PSD2: variants seen among roughly 807,000 people sequenced by gnomAD.
PSD2 encodes the protein pleckstrin and Sec7 domain containing 2.
Under a neutral mutation model 69.8 loss-of-function variants are expected in PSD2, and 38 were observed. The observed-to-expected ratio is 0.54, with a 90% CI of 0.42 to 0.71. The LOEUF (loss-of-function observed/expected upper bound fraction) is 0.71. PSD2 is among the 30% of genes least tolerant of loss of function. The pLI is 0.00. For missense variants in PSD2, 943 were observed against 1,014.5 expected, an observed-to-expected ratio of 0.93 and a Z score of 0.96; for synonymous variants, 412 against 423.0, an observed-to-expected ratio of 0.97 and a Z score of 0.32.
chr5:139,771,351 G>A, the PSD2 span, among the ~76,000 whole-genome samples: 1 of 152,200 alleles, frequency 6.6e-6, no homozygotes, highest in Admixed American at 6.5e-5. Context: ...CAGGAGTGCA[G>A]GCAGGAAGCA....
rs762298852 is a variant in PSD2 at position 139,813,557 on chromosome 5, G to A, written c.620G>A (p.Gly207Glu). The A allele has an allele frequency of 6.2e-7, 1 of 1,611,218 alleles. No homozygotes were observed. Among genetic ancestry groups the A allele is most frequent in the Non-Finnish European group, 8.5e-7 (1 of 1,177,672 alleles). The change falls in exon 3 of 15, where the codon GGG becomes GAG. Residue 207 changes from glycine to glutamate, a missense_variant. Gly to Glu is a moderately conservative substitution (Grantham distance 98, BLOSUM62 -2). This residue lies in a region of PSD2 where 466 missense variants were observed against 445.0 expected (regional missense o/e 1.05). Transcript: ENST00000274710. The part of the protein sequence containing the change: ...GLGIGDMAFE[G>E]DMGAAGGDGE... ...GGCATTGGGGACATGGCGTTTGAGGGGGACATGGGGGCAGCTGGTGGTGAT... is the reference window on the plus strand; with the variant it reads ...GGCATTGGGGACATGGCGTTTGAGGAGGACATGGGGGCAGCTGGTGGTGAT...
chr5:139,805,763 C>G (rs141750444), intron 1 of PSD2, among the ~76,000 whole-genome samples: 1 of 151,950 alleles, frequency 6.6e-6, no homozygotes, highest in Admixed American at 6.6e-5. Context: ...ACTCAGGGAG[C>G]GGAAAGAAGG....
At chr5:139,808,038 T>C (rs1759855843) in intron 1 of PSD2, among the ~76,000 whole-genome samples, 1 of 152,240 alleles carries the variant, frequency 6.6e-6, no homozygotes, top group South Asian at 2.1e-4. Context: ...CAGCTCATTC[T>C]GCTGTAGCCT....
At chr5:139,750,014 C>T in the PSD2 span, among the ~76,000 whole-genome samples, 2 of 144,070 alleles carry the variant, frequency 1.4e-5, no homozygotes, top group Non-Finnish European at 3.0e-5. Context: ...GGCAACAGAT[C>T]GAGACCGTCT....
Position 139,814,584 on chromosome 5 carries a change from G to A in PSD2, c.1016+220G>A, listed in dbSNP as rs956045569. On this transcript the variant is annotated intron_variant, in intron 4 of 14. Coordinates refer to ENST00000274710, the MANE Select transcript of PSD2 (RefSeq NM_032289.4). This position sits in a 1 kb window ranked among gnomAD's most constrained non-coding sequence, Gnocchi z 4.4. The stretch of plus-strand genomic sequence containing the variant: ...GGGCGAAGCTGATGCTCTCGGGGAG[G>A]GGTGGTGGCGGGCAGCCCCTCAGGG... Among the ~76,000 whole-genome samples, 1 of 152,098 alleles carries A rather than the reference G, an allele frequency of 6.6e-6. No individual in the cohort carries two copies.
At chr5:139,745,628 C>T in the PSD2 span, among the ~76,000 whole-genome samples, 2 of 152,252 alleles carry the variant, frequency 1.3e-5, no homozygotes, top group Non-Finnish European at 2.9e-5. Flanking sequence ...AAGAGTGACT[C>T]AGTGTCTGCT....
chr5:139,807,181 C>T (rs1759829880), intron 1 of PSD2, among the ~76,000 whole-genome samples: 1 of 152,184 alleles, frequency 6.6e-6, no homozygotes, highest in African/African-American at 2.4e-5. Context: ...AAATGGTGGG[C>T]TCAGCCCCTA....
chr5:139,766,897 CTCTT>C, the PSD2 span, among the ~76,000 whole-genome samples: 5 of 90,910 alleles, frequency 5.5e-5, no homozygotes, highest in Non-Finnish European at 9.5e-5. Flanking sequence ...CCTTCTTTCC[CTCTT>C]TCCCTCCCTT....
chr5:139,779,779 T>C, the PSD2 span, among the ~76,000 whole-genome samples: 1 of 152,208 alleles, frequency 6.6e-6, no homozygotes, highest in Non-Finnish European at 1.5e-5. Flanking sequence ...AATCATGCAG[T>C]ATCTACTCTT....
chr5:139,812,770 G>A (rs1025380533), intron 2 of PSD2, among the ~76,000 whole-genome samples: 75 of 152,344 alleles, frequency 4.9e-4, no homozygotes, highest in Non-Finnish European at 8.2e-4. Flanking sequence ...ATGACCCAGT[G>A]TGACACTGGT....
chr5:139,767,435 C>T, the PSD2 span, among the ~76,000 whole-genome samples: 1 of 152,308 alleles, frequency 6.6e-6, no homozygotes, highest in African/African-American at 2.4e-5. Context: ...ATGCCTCAGT[C>T]TCCCAAGTAG....
At chr5:139,805,304 C>T (rs1759777987) in intron 1 of PSD2, among the ~76,000 whole-genome samples, 1 of 152,208 alleles carries the variant, frequency 6.6e-6, no homozygotes, top group South Asian at 2.1e-4. Context: ...TCTAGCATTC[C>T]ATCAGAATCT....
At chr5:139,834,466 CTTT>C (rs111907193) in intron 8 of PSD2, among the ~76,000 whole-genome samples, 4 of 140,140 alleles carry the variant, frequency 2.9e-5, no homozygotes, top group Admixed American at 7.2e-5. Context: ...TATTTTTATG[CTTT>C]TTTTTTTTTT....
intron 1 of PSD2, among the ~76,000 whole-genome samples, chr5:139,801,160 G>C (rs1056099673): frequency 3.3e-5 from 5 of 150,786 alleles, no homozygotes; most frequent in African/African-American, 4.9e-5. Flanking sequence ...AGCTGAGATT[G>C]CGCCACTGCA....
intron 3 of PSD2, 76 bp downstream of exon 3, chr5:139,813,834 GGGTGACTCA>G (rs1760043094): frequency 7.7e-7 from 1 of 1,295,038 alleles, no homozygotes; most frequent in South Asian, 1.5e-5. Context: ...AAGCAGGTTA[GGGTGACTCA>G]GTGTCCAGAG....
upstream of PSD2, among the ~76,000 whole-genome samples, chr5:139,793,224 G>A (rs987168993): frequency 2.6e-5 from 4 of 152,152 alleles, no homozygotes; most frequent in African/African-American, 7.2e-5. Context: ...GATTACAGGC[G>A]TGAGCCACCA....
upstream of PSD2, among the ~76,000 whole-genome samples, chr5:139,793,827 C>T (rs937400723): frequency 8.5e-5 from 13 of 152,206 alleles, no homozygotes; most frequent in Non-Finnish European, 1.0e-4. Flanking sequence ...TCAGCTCTTT[C>T]GGTCCCCATC....
rs976288329 is a variant in PSD2, at chr5:139,837,345, C to T, written c.1665+107C>T. 1 of 1,118,314 alleles carries T rather than the reference C, an allele frequency of 8.9e-7. No individual in the cohort carries two copies. Among genetic ancestry groups the T allele is most frequent in the Non-Finnish European group, 1.3e-6 (1 of 764,482 alleles). 69.3% of individuals were successfully genotyped at this position (1,118,314 alleles called of 1,614,324 possible). ...CCAGGCAGGACCTGGGGCTCAGGCA[C>T]ATGCTGGGTCCTTCCCCAGACTTGG... is the stretch of plus-strand genomic sequence containing the variant. On this transcript the variant is annotated intron_variant, in intron 11 of 14. Transcript: ENST00000274710. The surrounding 1 kb of genome is among the most constrained non-coding windows in gnomAD (Gnocchi z 5.0).
intron 14 of PSD2, among the ~76,000 whole-genome samples, chr5:139,841,163 A>G (rs1760861119): frequency 6.6e-6 from 1 of 152,222 alleles, no homozygotes; most frequent in South Asian, 2.1e-4. Flanking sequence ...TATTTTACTT[A>G]GCATAATGTC....
Sources: gnomAD v4.1 joint callset for allele counts (sites outside exome capture counted in the v4.1 genomes callset) on GRCh38, gnomAD v4.1.1 for gene constraint, gnomAD v4.1.1 regional missense constraint, Gnocchi (gnomAD v3.1) non-coding constraint, MANE v1.5 for transcripts, NCBI Gene and HGNC (gene_info 2026-07-23, HGNC 2026-07-21) for gene names.